ARHGAP6: variants seen among roughly 807,000 people sequenced by gnomAD.
ARHGAP6 encodes the protein Rho GTPase activating protein 6.
A neutral mutation model predicts 55.7 loss-of-function variants in ARHGAP6; 16 were observed. The observed-to-expected ratio is 0.29, with a 90% CI of 0.19 to 0.44. ARHGAP6 has a LOEUF of 0.44. Ranked by LOEUF, ARHGAP6 falls within the 20% of genes least tolerant of loss-of-function variation. ARHGAP6 has a pLI of 1.00. For missense variants in ARHGAP6, 698 were observed against 808.9 expected (o/e 0.86, Z 1.66); for synonymous variants, 382 against 360.9 (o/e 1.06, Z -0.66).
At chrX:11,176,950 A>G (rs891501254) in intron 8 of ARHGAP6, among the ~76,000 whole-genome samples, 1 of 112,205 alleles carries the variant, frequency 8.9e-6, no homozygotes, top group Non-Finnish European at 1.9e-5. Flanking sequence ...GCCTTTCTGG[A>G]TTAGAGTGAA....
intron 2 of ARHGAP6, among the ~76,000 whole-genome samples, chrX:11,231,453 T>A (rs1201618397): frequency 2.7e-5 from 3 of 112,263 alleles, no homozygotes; most frequent in Non-Finnish European, 3.8e-5. Context: ...CAGTGGCAAG[T>A]CCTTTATTTC....
intron 1 of ARHGAP6, among the ~76,000 whole-genome samples, chrX:11,491,854 T>A (rs1353282573): frequency 9.2e-6 from 1 of 108,810 alleles, no homozygotes; most frequent in East Asian, 3.0e-4. Flanking sequence ...TTCCTATTTC[T>A]CCACATCCTC....
At chrX:11,269,055 T>C (rs1396359842) in intron 1 of ARHGAP6, among the ~76,000 whole-genome samples, 2 of 111,811 alleles carry the variant, frequency 1.8e-5, no homozygotes, top group African/African-American at 6.5e-5. Flanking sequence ...TTCAGAATCA[T>C]TGCTTGGAGC....
intron 1 of ARHGAP6, among the ~76,000 whole-genome samples, chrX:11,652,004 T>A (rs1003608572): frequency 1.8e-5 from 2 of 112,399 alleles, no homozygotes; most frequent in Non-Finnish European, 3.8e-5. Flanking sequence ...CTTGTAAATG[T>A]GTTTAAGTTC....
intron 1 of ARHGAP6, among the ~76,000 whole-genome samples, chrX:11,398,262 T>TAAAAAAAAA (rs60548732): frequency 3.4e-5 from 2 of 58,831 alleles, no homozygotes; most frequent in Admixed American, 2.2e-4. Flanking sequence ...GTAAGTGCTA[T>TAAAAAAAAA]AAAAAAAAAA....
chrX:11,187,262 A>T (rs940243706), intron 4 of ARHGAP6, among the ~76,000 whole-genome samples: 5 of 111,355 alleles, frequency 4.5e-5, no homozygotes, highest in Non-Finnish European at 9.4e-5. Flanking sequence ...GTGTTGGCAG[A>T]TGGAAGATGA....
At chrX:11,625,257 C>T (rs1489147234) in intron 1 of ARHGAP6, among the ~76,000 whole-genome samples, 1 of 109,244 alleles carries the variant, frequency 9.2e-6, no homozygotes. Flanking sequence ...TAGTATCCAT[C>T]AATGGATTGA....
At chrX:11,331,957 A>G (rs1245277653) in intron 1 of ARHGAP6, among the ~76,000 whole-genome samples, 1 of 112,310 alleles carries the variant, frequency 8.9e-6, no homozygotes, top group African/African-American at 3.2e-5. Context: ...GAAGCTCTGT[A>G]TAAACAACTA....
chrX:11,356,089 C>A (rs1398283296), intron 1 of ARHGAP6, among the ~76,000 whole-genome samples: 1 of 111,218 alleles, frequency 9.0e-6, no homozygotes, highest in Non-Finnish European at 1.9e-5. Flanking sequence ...CACTAGGCAG[C>A]AGCTTTATTA....
chrX:11,296,739 C>T (rs2048091604), intron 1 of ARHGAP6: 2 of 1,156,655 alleles, frequency 1.7e-6, no homozygotes, highest in South Asian at 3.6e-5. Flanking sequence ...TCTCTCCCTT[C>T]CTCTCTCTTT....
chrX:11,562,688 GA>G (rs1451572797), intron 1 of ARHGAP6, among the ~76,000 whole-genome samples: 1 of 109,426 alleles, frequency 9.1e-6, no homozygotes, highest in Non-Finnish European at 1.9e-5. Flanking sequence ...TCTCAAAATA[GA>G]GTAGCAGGCA....
chrX:11,162,856 T>G (rs954245373), intron 9 of ARHGAP6, among the ~76,000 whole-genome samples: 3 of 112,399 alleles, frequency 2.7e-5, no homozygotes, highest in African/African-American at 9.7e-5. Context: ...ACTTCAAAAC[T>G]TTTTGAAAAA....
intron 1 of ARHGAP6, among the ~76,000 whole-genome samples, chrX:11,264,516 T>C (rs909510226): frequency 1.1e-4 from 12 of 112,049 alleles, no homozygotes; most frequent in African/African-American, 3.9e-4. Flanking sequence ...CATTTCTGTG[T>C]AGTCCCAGTT....
At chrX:11,154,994 C>G (rs967511155) in intron 10 of ARHGAP6, among the ~76,000 whole-genome samples, 6 of 111,732 alleles carry the variant, frequency 5.4e-5, no homozygotes, top group African/African-American at 2.0e-4. Flanking sequence ...GGCCCAGACA[C>G]AGATTTTTTA....
At chrX:11,630,167 T>A (rs991777507) in intron 1 of ARHGAP6, among the ~76,000 whole-genome samples, 3 of 111,583 alleles carry the variant, frequency 2.7e-5, no homozygotes, top group African/African-American at 6.5e-5. Context: ...GATAGATAGA[T>A]AGAAAGTTGT....
intron 1 of ARHGAP6, among the ~76,000 whole-genome samples, chrX:11,598,533 A>T (rs1199445472): frequency 9.0e-6 from 1 of 111,316 alleles, no homozygotes; most frequent in Non-Finnish European, 1.9e-5. Context: ...CACAGTGTCT[A>T]TTCTTCCCAT....
chrX:11,452,409 A>G (rs995171945), intron 1 of ARHGAP6, among the ~76,000 whole-genome samples: 1 of 111,619 alleles, frequency 9.0e-6, no homozygotes, highest in African/African-American at 3.3e-5. Context: ...CAGCCTCCCA[A>G]AGTTCTAGGA....
chrX:11,502,509 T>C (rs2050689409), intron 1 of ARHGAP6, among the ~76,000 whole-genome samples: 1 of 112,074 alleles, frequency 8.9e-6, no homozygotes, highest in Non-Finnish European at 1.9e-5. Flanking sequence ...TAAAATACAG[T>C]TGACTCTAAC....
chrX:11,276,666 T>A (rs2147525120), intron 1 of ARHGAP6, among the ~76,000 whole-genome samples: 1 of 112,050 alleles, frequency 8.9e-6, no homozygotes, highest in Admixed American at 9.5e-5. Context: ...CTGGTTCACA[T>A]CTGATTTTCT....
Sources: gnomAD v4.1 joint callset for allele counts (sites outside exome capture counted in the v4.1 genomes callset) on GRCh38, gnomAD v4.1.1 for gene constraint, MANE v1.5 for transcripts, NCBI Gene and HGNC (gene_info 2026-07-23, HGNC 2026-07-21) for gene names.